Variants in AKAP13 observed in about 807,000 individuals in gnomAD.
AKAP13 encodes the protein A-kinase anchoring protein 13, also known as A-kinase anchor protein 13.
AKAP13 carries 80 observed loss-of-function variants against 264.5 expected under a neutral mutation model. The observed-to-expected ratio is 0.30, with a 90% CI of 0.25 to 0.36. The LOEUF is 0.36. Ranked by LOEUF, AKAP13 falls within the 10% of genes least tolerant of loss-of-function variation. AKAP13 has a pLI of 1.00. For missense variants in AKAP13, 3,712 were observed against 3,435.2 expected, an observed-to-expected ratio of 1.08 and a Z score of -2.01; for synonymous variants, 1,380 against 1,250.2, an observed-to-expected ratio of 1.10 and a Z score of -2.19.
At chr15:85,686,762 C>T (rs184919162) in intron 16 of AKAP13, among the ~76,000 whole-genome samples, 2 of 152,276 alleles carry the variant, frequency 1.3e-5, no homozygotes, top group African/African-American at 4.8e-5. Context: ...TCCCCTTGGA[C>T]AGAGCAATAT....
At chr15:85,522,752 T>A (rs66739423) in intron 3 of AKAP13, among the ~76,000 whole-genome samples, 42,944 of 151,964 alleles carry the variant, frequency 0.28, 7,376 homozygotes, top group African/African-American at 0.49. Flanking sequence ...TTCCTCTAAT[T>A]TGGTCCGAAT....
intron 1 of AKAP13, among the ~76,000 whole-genome samples, chr15:85,467,321 T>C (rs1320172004): frequency 2.0e-5 from 3 of 152,206 alleles, no homozygotes; most frequent in African/African-American, 4.8e-5. Context: ...TGAGTGATTG[T>C]GATTTTGAAC....
intron 8 of AKAP13, chr15:85,620,069 G>A (rs748757127): frequency 1.3e-6 from 2 of 1,536,030 alleles, no homozygotes; most frequent in Non-Finnish European, 1.7e-6. Flanking sequence ...CATTTTCTCT[G>A]TTCTTTCTTG....
At chr15:85,535,723 G>A (rs913592667) in intron 4 of AKAP13, 15 of 151,528 alleles carry the variant, frequency 9.9e-5, no homozygotes, top group African/African-American at 2.4e-4. Flanking sequence ...ATAGTTTTAT[G>A]TTGCCATGAT....
chr15:85,440,981 AC>A (rs1291047962), intron 1 of AKAP13, among the ~76,000 whole-genome samples: 1 of 152,228 alleles, frequency 6.6e-6, no homozygotes, highest in South Asian at 2.1e-4. Context: ...CTCTAAAAAA[AC>A]AAAACAAAAC....
At chr15:85,445,631 T>C (rs975409799) in intron 1 of AKAP13, among the ~76,000 whole-genome samples, 11 of 152,278 alleles carry the variant, frequency 7.2e-5, no homozygotes, top group African/African-American at 2.4e-4. Flanking sequence ...GACTTACCTT[T>C]ATTATAGTAC....
At chr15:85,692,914 A>G (rs936249513) in intron 16 of AKAP13, among the ~76,000 whole-genome samples, 1 of 152,066 alleles carries the variant, frequency 6.6e-6, no homozygotes, top group Non-Finnish European at 1.5e-5. Context: ...CCCTAAACCC[A>G]TGACTCTCTT....
At position 85,653,901 on chromosome 15, in the gene AKAP13, C is replaced by A. The variant is rs754214575; in HGVS notation, c.4375-1516C>A. ...CCATGAAGCTCATCTTTCCCTCACC[C>A]ATCAAATTCTGTGTTCTGGTATCTC... On this transcript the variant is annotated intron_variant, in intron 10 of 36. Transcript: ENST00000394518. Among the ~76,000 whole-genome samples, 10 of 152,172 alleles carry A rather than the reference C, an allele frequency of 6.6e-5. No individual in the cohort carries two copies. In the South Asian group the frequency reaches 2.1e-3, roughly 31 times the overall value.
intron 8 of AKAP13, among the ~76,000 whole-genome samples, chr15:85,618,948 C>G (rs1022418650): frequency 6.6e-6 from 1 of 152,156 alleles, no homozygotes. Flanking sequence ...ACATTTTTCT[C>G]GTGTTAAATC....
intron 8 of AKAP13, among the ~76,000 whole-genome samples, chr15:85,636,458 T>G: frequency 6.6e-6 from 1 of 152,244 alleles, no homozygotes; most frequent in East Asian, 1.9e-4. Flanking sequence ...TGGACATCTT[T>G]GGTTACTGAT....
At chr15:85,536,589 T>C (rs1242205706) in intron 4 of AKAP13, 2 of 152,168 alleles carry the variant, frequency 1.3e-5, no homozygotes, top group East Asian at 1.9e-4. Flanking sequence ...CCTCACTGAG[T>C]GAATACAGAA....
chr15:85,558,228 G>A (rs2078222627), intron 5 of AKAP13, among the ~76,000 whole-genome samples: 1 of 152,170 alleles, frequency 6.6e-6, no homozygotes, highest in African/African-American at 2.4e-5. Context: ...AATGTTATAT[G>A]TTTCTGCAAA....
intron 2 of AKAP13, among the ~76,000 whole-genome samples, chr15:85,512,843 ATGTATG>A (rs1173294731): frequency 6.6e-6 from 1 of 151,396 alleles, no homozygotes; most frequent in Non-Finnish European, 1.5e-5. Flanking sequence ...GTATGTATGT[ATGTATG>A]TATGTATGTA....
At chr15:85,479,050 T>A (rs1254096857) in intron 1 of AKAP13, among the ~76,000 whole-genome samples, 1 of 152,242 alleles carries the variant, frequency 6.6e-6, no homozygotes, top group African/African-American at 2.4e-5. Flanking sequence ...AAGTAAAGCA[T>A]TCATGAGGGT....
intron 5 of AKAP13, among the ~76,000 whole-genome samples, chr15:85,573,576 T>C (rs149798714): frequency 7.0e-4 from 62 of 88,752 alleles, no homozygotes; most frequent in Non-Finnish European, 4.9e-5. Flanking sequence ...TAAATAAATA[T>C]GATATGATAT....
intron 10 of AKAP13, among the ~76,000 whole-genome samples, chr15:85,652,436 A>G (rs1199968107): frequency 6.6e-6 from 1 of 152,210 alleles, no homozygotes; most frequent in Non-Finnish European, 1.5e-5. Context: ...AATAAATGGA[A>G]ACTTTAACTC....
At chr15:85,413,108 G>C (rs961591558) in intron 1 of AKAP13, among the ~76,000 whole-genome samples, 5 of 152,218 alleles carry the variant, frequency 3.3e-5, no homozygotes, top group African/African-American at 1.2e-4. Context: ...CACTGTGTCC[G>C]CACTGCTAAT....
At chr15:85,697,692 A>G (rs2085644878) in intron 17 of AKAP13, among the ~76,000 whole-genome samples, 1 of 152,266 alleles carries the variant, frequency 6.6e-6, no homozygotes, top group African/African-American at 2.4e-5. Context: ...GGAAATAGTC[A>G]TTGAAAGGTA....
At chr15:85,620,699 T>C (rs943391989) in intron 8 of AKAP13, among the ~76,000 whole-genome samples, 1 of 152,252 alleles carries the variant, frequency 6.6e-6, no homozygotes, top group African/African-American at 2.4e-5. Context: ...AACCTATCTA[T>C]TAAGGTGGCA....
Sources: allele counts gnomAD v4.1 joint callset (sites outside exome capture counted in the v4.1 genomes callset), GRCh38; gene constraint gnomAD v4.1.1; transcripts MANE v1.5; gene names NCBI Gene and HGNC (gene_info 2026-07-23, HGNC 2026-07-21).